The following ZFP64 variants were observed in gnomAD, a reference collection of about 807,000 sequenced individuals.
ZFP64 encodes the protein ZFP64 zinc finger protein.
ZFP64 carries 14 observed loss-of-function variants against 51.6 expected under a neutral mutation model. That is an observed-to-expected ratio of 0.27 (90% confidence interval 0.18 to 0.42). The LOEUF is 0.42. Ranked by LOEUF, ZFP64 falls within the 10% of genes least tolerant of loss-of-function variation. The pLI, the probability that ZFP64 is intolerant of heterozygous loss-of-function variation, is 1.00. For missense variants in ZFP64, 754 were observed against 906.8 expected (o/e 0.83, Z 2.16); for synonymous variants, 375 against 361.4 (o/e 1.04, Z -0.43).
chr20:52,120,126 A>T (rs6021712), intron 5 of ZFP64, among the ~76,000 whole-genome samples: 27,564 of 152,068 alleles, frequency 0.18, 2,871 homozygotes, highest in East Asian at 0.4. Flanking sequence ...ATGTGTGGAC[A>T]CAGCTAGAAG....
At chr20:52,129,559 G>C (rs975629028) in intron 5 of ZFP64, among the ~76,000 whole-genome samples, 3 of 152,114 alleles carry the variant, frequency 2.0e-5, no homozygotes, top group Admixed American at 6.6e-5. Context: ...GTGCACCTTA[G>C]AATGCTCATT....
chr20:52,135,910 C>G (rs1296069212), intron 5 of ZFP64, among the ~76,000 whole-genome samples: 3 of 151,610 alleles, frequency 2.0e-5, no homozygotes, highest in South Asian at 2.1e-4. Context: ...ACCAGCCTGG[C>G]CAACATGGTG....
rs1387687270 is a variant in ZFP64, at chr20:52,151,323, T to C, written c.*823A>G. The C allele has an allele frequency of 1.0e-6, 1 of 985,306 alleles. No individual in the cohort carries two copies. Among genetic ancestry groups the C allele is most frequent in the Non-Finnish European group, 1.2e-6 (1 of 829,912 alleles). The allele number at this position is 985,306 out of a possible 1,614,324, so 61.0% of individuals were successfully genotyped here. A position where few individuals can be genotyped will look rare whatever the true frequency, so the allele number is the denominator to read the frequency against. ...ATTTATTATGGAACCATTCATTTTC[T>C]GCTCATTAGCACTAAACATTTTTTT... On this transcript the variant is annotated 3_prime_UTR_variant, in exon 6 of 6. Coordinates refer to ENST00000216923, the MANE Select transcript of ZFP64 (RefSeq NM_018197.3).
At chr20:52,140,054 C>T (rs1980181906) in intron 5 of ZFP64, among the ~76,000 whole-genome samples, 1 of 151,860 alleles carries the variant, frequency 6.6e-6, no homozygotes, top group Admixed American at 6.6e-5. Flanking sequence ...TGTAATTGCT[C>T]CAGGCTGCCA....
intron 7 of ZFP64, among the ~76,000 whole-genome samples, chr20:52,093,110 T>C (rs1363335773): frequency 6.6e-6 from 1 of 152,014 alleles, no homozygotes; most frequent in African/African-American, 2.4e-5. Flanking sequence ...TTGCTCAAGA[T>C]ACACTGTTCC....
intron 5 of ZFP64, chr20:52,110,726 C>G: frequency 6.3e-7 from 1 of 1,592,240 alleles, no homozygotes; most frequent in Non-Finnish European, 8.6e-7. Context: ...CCAACCTTAA[C>G]TGCCCCAGTA....
chr20:52,149,631 G>C (rs138396322), downstream of ZFP64, among the ~76,000 whole-genome samples: 178 of 152,262 alleles, frequency 1.2e-3, no homozygotes, highest in African/African-American at 4.1e-3. Context: ...GAAGTTGTTG[G>C]CTTGGTGTTT....
intron 5 of ZFP64, chr20:52,105,190 C>G: frequency 7.0e-7 from 1 of 1,436,306 alleles, no homozygotes; most frequent in Non-Finnish European, 9.0e-7. Context: ...CAGGCCGCGG[C>G]TCCTCGGAGT....
chr20:52,142,173 T>A (rs1488580514), intron 5 of ZFP64, among the ~76,000 whole-genome samples: 2 of 151,926 alleles, frequency 1.3e-5, no homozygotes, highest in East Asian at 3.9e-4. Flanking sequence ...TCGAGACCAG[T>A]CTGGCCAAGA....
chr20:52,088,362 G>C (rs1280478006), intron 8 of ZFP64: 2 of 1,601,958 alleles, frequency 1.2e-6, no homozygotes, highest in East Asian at 2.2e-5. Flanking sequence ...GAAAAAGTAA[G>C]GGATTGAGGT....
chr20:52,088,184 G>T, intron 8 of ZFP64: 1 of 734,782 alleles, frequency 1.4e-6, no homozygotes, highest in Non-Finnish European at 2.1e-6. Context: ...ATATAGTCAA[G>T]ATATAAAACC....
chr20:52,085,767 A>ATAAC lies in ZFP64; in HGVS notation c.1229-505_1229-502dup, dbSNP rs1373317686. Among the ~76,000 whole-genome samples, 6 of 152,248 alleles carry ATAAC rather than the reference A, an allele frequency of 3.9e-5. No homozygotes were observed. Among genetic ancestry groups the ATAAC allele is most frequent in the Non-Finnish European group, 7.3e-5 (5 of 68,050 alleles). ...TTTCAAGTTAAAGTTTCTTACTTTT[A>ATAAC]TAACTACAGGCTAAATTTTATTTAT... On this transcript the variant is annotated intron_variant, in intron 8 of 8. Coordinates refer to the ZFP64 transcript ENST00000361387. The surrounding 1 kb of genome is among the most constrained non-coding windows in gnomAD (Gnocchi z 4.3).
intron 5 of ZFP64, among the ~76,000 whole-genome samples, chr20:52,146,153 G>C (rs1170326697): frequency 6.6e-6 from 1 of 151,638 alleles, no homozygotes; most frequent in African/African-American, 2.4e-5. Context: ...CAAGATATCA[G>C]TAGGCAATAG....
intron 5 of ZFP64, among the ~76,000 whole-genome samples, chr20:52,108,053 C>G (rs868833703): frequency 6.6e-6 from 1 of 152,176 alleles, no homozygotes; most frequent in Admixed American, 6.5e-5. Context: ...TGGCAAAACT[C>G]TGTTTCTACA....
chr20:52,168,557 C>T (rs1982469126), intron 2 of ZFP64, among the ~76,000 whole-genome samples: 1 of 152,142 alleles, frequency 6.6e-6, no homozygotes, highest in Non-Finnish European at 1.5e-5. Context: ...TCCAGGTGAT[C>T]CTGATACATG....
chr20:52,172,221 TTGTGTGTG>T (rs537503128), intron 2 of ZFP64, among the ~76,000 whole-genome samples: 1 of 147,986 alleles, frequency 6.8e-6, no homozygotes, highest in Non-Finnish European at 1.5e-5. Flanking sequence ...GTGTGTGTGT[TTGTGTGTG>T]TGTGTGTGTA....
chr20:52,099,067 C>G (rs1029890355), intron 5 of ZFP64, among the ~76,000 whole-genome samples: 8 of 150,546 alleles, frequency 5.3e-5, no homozygotes, highest in Non-Finnish European at 1.2e-4. Context: ...CTTCCCCTTA[C>G]TACGGTTTCC....
intron 5 of ZFP64, chr20:52,105,773 T>C (rs972666338): frequency 1.8e-4 from 28 of 152,086 alleles, no homozygotes; most frequent in African/African-American, 6.8e-4. Context: ...GCGCTGTGGC[T>C]GCTGCGCTGC....
intron 2 of ZFP64, among the ~76,000 whole-genome samples, chr20:52,169,915 T>TG (rs1184540414): frequency 3.3e-5 from 5 of 152,050 alleles, no homozygotes; most frequent in Admixed American, 2.0e-4. Context: ...TAGCTGGGCA[T>TG]GGTGGCATAT....
Sources: gnomAD v4.1 joint callset for allele counts (sites outside exome capture counted in the v4.1 genomes callset) on GRCh38, gnomAD v4.1.1 for gene constraint, Gnocchi (gnomAD v3.1) non-coding constraint, MANE v1.5 for transcripts, NCBI Gene and HGNC (gene_info 2026-07-23, HGNC 2026-07-21) for gene names.